The following SUN3 variants were observed in gnomAD, a reference collection of about 807,000 sequenced individuals.
SUN3 encodes SUN domain-containing protein 3.
A neutral mutation model predicts 48.2 loss-of-function variants in SUN3; 36 were observed. The observed-to-expected ratio is 0.75, with a 90% CI of 0.57 to 0.99. The LOEUF (loss-of-function observed/expected upper bound fraction) is 0.99. SUN3 is among the 50% of genes least tolerant of loss of function. The probability of loss-of-function intolerance (pLI) is 0.00; values close to 1 mark genes in which losing one functional copy is unlikely to be tolerated. For synonymous variants in SUN3, 148 were observed against 147.9 expected, an observed-to-expected ratio of 1.00 and a Z score of 0.00; for missense variants, 419 against 433.1, an observed-to-expected ratio of 0.97 and a Z score of 0.29.
At chr7:48,028,083 T>A (rs963273706) in intron 1 of SUN3, among the ~76,000 whole-genome samples, 1 of 152,134 alleles carries the variant, frequency 6.6e-6, no homozygotes, top group Non-Finnish European at 1.5e-5. Flanking sequence ...GGCAAGCATA[T>A]TTTGTTATTA....
At chr7:48,017,805 G>T (rs1014132524) in intron 2 of SUN3, among the ~76,000 whole-genome samples, 2 of 152,088 alleles carry the variant, frequency 1.3e-5, no homozygotes, top group Admixed American at 6.5e-5. Context: ...TCATCTAGTG[G>T]TTCCCTGAGG....
chr7:48,005,884 C>A, intron 6 of SUN3, 85 bp downstream of exon 6: 1 of 723,372 alleles, frequency 1.4e-6, no homozygotes, highest in Non-Finnish European at 2.2e-6. Context: ...ATATGTTTTC[C>A]TCATAAACAA....
intron 6 of SUN3, 43 bp downstream of exon 6, chr7:48,005,925 TC>T (rs768318494): frequency 1.5e-6 from 2 of 1,302,656 alleles, no homozygotes; most frequent in Admixed American, 2.0e-5. Context: ...CCTGAAGCAT[TC>T]TTTTTTTTTT....
At chr7:48,015,230 T>G (rs1789779335) in intron 3 of SUN3, among the ~76,000 whole-genome samples, 1 of 152,216 alleles carries the variant, frequency 6.6e-6, no homozygotes, top group Admixed American at 6.5e-5. Context: ...CCCATGGGCT[T>G]GGTCTTAGTC....
chr7:48,001,550 T>TTTTTTTG (rs1224769321), intron 6 of SUN3, among the ~76,000 whole-genome samples: 1 of 142,020 alleles, frequency 7.0e-6, no homozygotes. Flanking sequence ...TTTTTTTTTT[T>TTTTTTTG]TGAGACAGAG....
In SUN3 at chr7:48,017,337, T is replaced by C; in HGVS notation, c.213A>G (p.Glu71=). 6.2e-7 allele frequency: 1 copy of C among 1,608,634 alleles called. No homozygotes were observed. The highest frequency in any genetic ancestry group is 8.5e-7 in the Non-Finnish European group (1 of 1,176,216). ...VGLLNHQWLK[E]TDVPQKSRQL... The stretch of plus-strand genomic sequence containing the variant: ...GTCTGGATTTCTGAGGAACATCTGT[T>C]TCTTTAAGCCACTGATGATTTAGGA... The change falls in exon 3 of 10, where the codon GAA becomes GAG. Residue 71 remains glutamate, a synonymous_variant. Transcript: ENST00000297325.
intron 3 of SUN3, among the ~76,000 whole-genome samples, chr7:48,014,536 G>A (rs570898701): frequency 7.8e-4 from 119 of 152,238 alleles, no homozygotes; most frequent in African/African-American, 2.8e-3. Flanking sequence ...ACCTACACCT[G>A]GATATTGTCA....
In SUN3 at chr7:47,996,951, G is replaced by A. The variant is rs569151314; in HGVS notation, c.578-805C>T. ...CAAGTAGCTGGGACTACAGGCGCCC[G>A]CCACCACGCCGGCTAAGTTTTTGTA... On this transcript the variant is annotated intron_variant, in intron 6 of 9. Coordinates refer to ENST00000297325, the MANE Select transcript of SUN3 (RefSeq NM_001030019.2). Among the ~76,000 whole-genome samples the A allele has an allele frequency of 4.6e-5, 7 of 151,928 alleles. 1 individual carries two copies. Among genetic ancestry groups the A allele is most frequent in the Admixed American group, 6.6e-5 (1 of 15,252 alleles).
At chr7:47,996,707 A>G (rs1789222632) in intron 6 of SUN3, among the ~76,000 whole-genome samples, 1 of 152,198 alleles carries the variant, frequency 6.6e-6, no homozygotes, top group Non-Finnish European at 1.5e-5. Context: ...GAAAATGCAA[A>G]TTGCTTTTAC....
chr7:48,009,485 C>A (rs189149416), intron 3 of SUN3, among the ~76,000 whole-genome samples: 197 of 152,154 alleles, frequency 1.3e-3, no homozygotes, highest in African/African-American at 4.6e-3. Context: ...GAGCACATGG[C>A]GACGTTAGAG....
chr7:48,028,873 G>A lies in SUN3; in HGVS notation c.66C>T (p.Ser22=). 6.2e-7 allele frequency: 1 copy of A among 1,613,876 alleles called. No homozygotes were observed. The highest frequency in any genetic ancestry group is 8.5e-7 in the Non-Finnish European group (1 of 1,179,838). ...MFFRRCSEDA[S]GSASGNALLS... ...ACAAAGCATTGCCACTGGCGCTACCGCTGGCGTCTTCAGAGCAACGTCTAA... is the reference window on the plus strand; with the variant it reads ...ACAAAGCATTGCCACTGGCGCTACCACTGGCGTCTTCAGAGCAACGTCTAA... The change falls in exon 1 of 10, where the codon AGC becomes AGT. Residue 22 remains serine (S), a synonymous_variant. Transcript: ENST00000297325.
At chr7:47,994,825 A>G (rs1789160202) in intron 7 of SUN3, among the ~76,000 whole-genome samples, 1 of 151,528 alleles carries the variant, frequency 6.6e-6, no homozygotes, top group South Asian at 2.1e-4. Flanking sequence ...TGGTGGTAAT[A>G]ATGGTGGCAG....
At chr7:47,988,490 C>T (rs1409928521) in intron 9 of SUN3, among the ~76,000 whole-genome samples, 1 of 152,026 alleles carries the variant, frequency 6.6e-6, no homozygotes, top group African/African-American at 2.4e-5. Context: ...AACTATTACA[C>T]TTAATAGTAT....
At chr7:48,019,284 G>T (rs190506631) in intron 2 of SUN3, among the ~76,000 whole-genome samples, 1 of 152,010 alleles carries the variant, frequency 6.6e-6, no homozygotes, top group South Asian at 2.1e-4. Context: ...AAACCTATGG[G>T]ATACAGCAAA....
At chr7:48,006,183 C>G (rs1455730683) in intron 5 of SUN3, 130 bp from the exon 6 acceptor site, 1 of 633,810 alleles carries the variant, frequency 1.6e-6, no homozygotes. Context: ...CAGCTGCACT[C>G]TGAGCCAGGC....
intron 3 of SUN3, among the ~76,000 whole-genome samples, chr7:48,014,873 G>A (rs956176177): frequency 6.6e-6 from 1 of 152,192 alleles, no homozygotes; most frequent in Non-Finnish European, 1.5e-5. Flanking sequence ...GTTACAGCTC[G>A]AGTCTGAAGG....
At chr7:48,005,883 C>A in intron 6 of SUN3, 86 bp downstream of exon 6, 1 of 658,970 alleles carries the variant, frequency 1.5e-6, no homozygotes, top group Non-Finnish European at 2.4e-6. Context: ...AATATGTTTT[C>A]CTCATAAACA....
intron 3 of SUN3, among the ~76,000 whole-genome samples, chr7:48,014,748 C>A (rs1252885625): frequency 1.3e-5 from 2 of 152,092 alleles, no homozygotes; most frequent in African/African-American, 4.8e-5. Context: ...TGGAACCAAG[C>A]CAATGTATAT....
At chr7:47,997,404 G>C (rs1048725749) in intron 6 of SUN3, among the ~76,000 whole-genome samples, 2 of 151,454 alleles carry the variant, frequency 1.3e-5, no homozygotes, top group East Asian at 3.9e-4. Flanking sequence ...ATTCCTACTC[G>C]ACCAACTGGC....
Sources: allele counts gnomAD v4.1 joint callset (sites outside exome capture counted in the v4.1 genomes callset), GRCh38; gene constraint gnomAD v4.1.1; transcripts MANE v1.5; gene names NCBI Gene and HGNC (gene_info 2026-07-23, HGNC 2026-07-21).